The following GPR39 variants were observed in gnomAD, a reference collection of about 807,000 sequenced individuals.
The protein encoded by GPR39 is G protein-coupled receptor 39.
In GPR39, 23 loss-of-function variants were observed where a neutral mutation model predicts 18.4. The observed-to-expected ratio is 1.25, with a 90% CI of 0.90 to 1.77. The LOEUF is 1.77. GPR39 is among the 40% of genes most tolerant of loss of function. The probability of loss-of-function intolerance (pLI) is 0.00; values close to 1 mark genes in which losing one functional copy is unlikely to be tolerated. For missense variants in GPR39, 647 were observed against 602.4 expected, an observed-to-expected ratio of 1.07 and a Z score of -0.78; for synonymous variants, 280 against 257.9, an observed-to-expected ratio of 1.09 and a Z score of -0.82.
intron 1 of GPR39, among the ~76,000 whole-genome samples, chr2:132,571,227 A>G (rs149675951): frequency 1.6e-3 from 242 of 152,344 alleles, no homozygotes; most frequent in African/African-American, 5.1e-3. Flanking sequence ...GACATCTTAC[A>G]TGGATGATTT....
chr2:132,534,879 A>G (rs1170582512), intron 1 of GPR39, among the ~76,000 whole-genome samples: 1 of 151,996 alleles, frequency 6.6e-6, no homozygotes, highest in Admixed American at 6.6e-5. Context: ...TAGGAGATAT[A>G]CCTAATGCTA....
At chr2:132,572,002 G>C (rs1680448378) in intron 1 of GPR39, among the ~76,000 whole-genome samples, 1 of 152,156 alleles carries the variant, frequency 6.6e-6, no homozygotes, top group South Asian at 2.1e-4. Flanking sequence ...CGTGAAGTGT[G>C]ATGGGCAGGT....
chr2:132,439,335 C>T (rs1680393236), intron 1 of GPR39, among the ~76,000 whole-genome samples: 1 of 152,150 alleles, frequency 6.6e-6, no homozygotes, highest in Non-Finnish European at 1.5e-5. Flanking sequence ...AATAAAGGTA[C>T]CTGGGTAGAA....
intron 1 of GPR39, among the ~76,000 whole-genome samples, chr2:132,435,157 G>A (rs1680289525): frequency 6.6e-6 from 1 of 152,158 alleles, no homozygotes; most frequent in South Asian, 2.1e-4. Context: ...CATCTTTAGA[G>A]AAATACAAAG....
At chr2:132,442,367 T>C (rs529803204) in intron 1 of GPR39, among the ~76,000 whole-genome samples, 70 of 152,246 alleles carry the variant, frequency 4.6e-4, no homozygotes, top group African/African-American at 1.7e-3. Flanking sequence ...GACATGGGAT[T>C]CTGCAGTTGA....
At chr2:132,505,529 A>C (rs988885266) in intron 1 of GPR39, among the ~76,000 whole-genome samples, 3 of 152,168 alleles carry the variant, frequency 2.0e-5, no homozygotes, top group African/African-American at 7.2e-5. Context: ...CTCATTAACC[A>C]ACCTCTTTTA....
chr2:132,480,135 T>C (rs938289058), intron 1 of GPR39, among the ~76,000 whole-genome samples: 1 of 152,214 alleles, frequency 6.6e-6, no homozygotes, highest in Non-Finnish European at 1.5e-5. Flanking sequence ...AAAGGCATTA[T>C]GCTAAGTGAA....
At chr2:132,545,723 A>G (rs979956735) in intron 1 of GPR39, among the ~76,000 whole-genome samples, 62 of 151,716 alleles carry the variant, frequency 4.1e-4, no homozygotes, top group African/African-American at 1.4e-3. Context: ...TCCACTTTCA[A>G]TGCACCAAAG....
At chr2:132,594,231 G>A (rs1222251935) in intron 1 of GPR39, among the ~76,000 whole-genome samples, 1 of 152,110 alleles carries the variant, frequency 6.6e-6, no homozygotes, top group African/African-American at 2.4e-5. Context: ...CCCTGGGAAG[G>A]CATTTGAGTC....
chr2:132,574,348 T>C (rs1680495010), intron 1 of GPR39, among the ~76,000 whole-genome samples: 1 of 152,250 alleles, frequency 6.6e-6, no homozygotes, highest in Non-Finnish European at 1.5e-5. Context: ...TTTGCATGTT[T>C]ATTAGTCATT....
intron 1 of GPR39, among the ~76,000 whole-genome samples, chr2:132,538,370 C>G (rs1239039168): frequency 6.6e-6 from 1 of 152,166 alleles, no homozygotes. Context: ...CTGGGTGTCA[C>G]CAGTGGAGGC....
chr2:132,554,844 T>A (rs1277299096), intron 1 of GPR39, among the ~76,000 whole-genome samples: 1 of 152,180 alleles, frequency 6.6e-6, no homozygotes, highest in African/African-American at 2.4e-5. Flanking sequence ...AGTGCACACA[T>A]CTCTCCCACA....
intron 1 of GPR39, among the ~76,000 whole-genome samples, chr2:132,515,056 C>T (rs1446782320): frequency 6.6e-6 from 1 of 152,210 alleles, no homozygotes; most frequent in South Asian, 2.1e-4. Context: ...TAACTAGTAG[C>T]TACAATTGTG....
chr2:132,495,426 T>G (rs1004017317), intron 1 of GPR39, among the ~76,000 whole-genome samples: 1 of 152,068 alleles, frequency 6.6e-6, no homozygotes, highest in Non-Finnish European at 1.5e-5. Flanking sequence ...CCCCAAACTG[T>G]GGGGGTGTCT....
chr2:132,519,574 T>G (rs1341535055), intron 1 of GPR39, among the ~76,000 whole-genome samples: 3 of 152,188 alleles, frequency 2.0e-5, no homozygotes, highest in Non-Finnish European at 4.4e-5. Context: ...GTAGGAGATG[T>G]GTAATGAGAG....
At chr2:132,554,900 T>G (rs1382344528) in intron 1 of GPR39, among the ~76,000 whole-genome samples, 5 of 152,152 alleles carry the variant, frequency 3.3e-5, no homozygotes, top group Non-Finnish European at 4.4e-5. Flanking sequence ...TCATACGTGT[T>G]TGTACCGTTC....
intron 1 of GPR39, among the ~76,000 whole-genome samples, chr2:132,610,074 C>A (rs981396771): frequency 2.4e-4 from 36 of 152,218 alleles, no homozygotes; most frequent in Admixed American, 9.8e-4. Flanking sequence ...GTCAGTGATT[C>A]TATCATAACT....
chr2:132,492,185 TATATACATACC>T (rs1681479179), intron 1 of GPR39, among the ~76,000 whole-genome samples: 1 of 146,436 alleles, frequency 6.8e-6, no homozygotes, highest in South Asian at 2.1e-4. Context: ...ATACACCATA[TATATACATACC>T]ATATATATAC....
At chr2:132,515,471 C>T (rs1329620544) in intron 1 of GPR39, among the ~76,000 whole-genome samples, 1 of 152,134 alleles carries the variant, frequency 6.6e-6, no homozygotes, top group Non-Finnish European at 1.5e-5. Context: ...CACTGGTCCT[C>T]CCCAGACACC....
Sources: allele counts gnomAD v4.1 joint callset (sites outside exome capture counted in the v4.1 genomes callset), GRCh38; gene constraint gnomAD v4.1.1; transcripts MANE v1.5; gene names NCBI Gene and HGNC (gene_info 2026-07-23, HGNC 2026-07-21).